Variants in TSPAN14 observed in about 807,000 individuals in gnomAD.
TSPAN14 encodes the protein tetraspanin-14.
A neutral mutation model predicts 36.6 loss-of-function variants in TSPAN14; 16 were observed. That is an observed-to-expected ratio of 0.44 (90% confidence interval 0.30 to 0.66). The LOEUF (loss-of-function observed/expected upper bound fraction) is 0.66. Ranked by LOEUF, TSPAN14 falls within the 30% of genes least tolerant of loss-of-function variation. The pLI is 0.12. For synonymous variants in TSPAN14, 139 were observed against 143.8 expected (o/e 0.97, Z 0.24); for missense variants, 231 against 355.1 (o/e 0.65, Z 2.81).
intron 4 of TSPAN14, among the ~76,000 whole-genome samples, chr10:80,508,940 G>A (rs1471470989): frequency 1.3e-5 from 2 of 152,178 alleles, no homozygotes; most frequent in Non-Finnish European, 2.9e-5. Context: ...AACTGCTGGG[G>A]TAGGACAGCC....
chr10:80,490,401 G>C (rs1589271222), intron 2 of TSPAN14, among the ~76,000 whole-genome samples: 1 of 152,180 alleles, frequency 6.6e-6, no homozygotes, highest in Non-Finnish European at 1.5e-5. Context: ...GGATGCTAGA[G>C]GTTGGGTCGA....
At chr10:80,479,418 G>A (rs1393263234) in intron 1 of TSPAN14, among the ~76,000 whole-genome samples, 5 of 151,992 alleles carry the variant, frequency 3.3e-5, no homozygotes, top group Non-Finnish European at 5.9e-5. Flanking sequence ...GGGTTTTTAT[G>A]GTTTTAGGTC....
intron 1 of TSPAN14, among the ~76,000 whole-genome samples, chr10:80,483,507 T>G (rs1379475949): frequency 6.6e-6 from 1 of 152,184 alleles, no homozygotes; most frequent in Non-Finnish European, 1.5e-5. Flanking sequence ...TTTTTTTGGG[T>G]GGTAAATGTA....
intron 1 of TSPAN14, among the ~76,000 whole-genome samples, chr10:80,455,144 T>C (rs1028617225): frequency 1.3e-5 from 2 of 152,012 alleles, no homozygotes; most frequent in South Asian, 2.1e-4. Flanking sequence ...TGCGGGTGGG[T>C]AGGAAGTGCC....
At chr10:80,499,498 C>A (rs185556644) in intron 2 of TSPAN14, among the ~76,000 whole-genome samples, 1 of 152,302 alleles carries the variant, frequency 6.6e-6, no homozygotes, top group South Asian at 2.1e-4. Context: ...CCAAAGCCCC[C>A]CTGTGGAATT....
chr10:80,509,370 G>A lies in TSPAN14; in HGVS notation c.349G>A (p.Asp117Asn). 6.2e-7 allele frequency: 1 copy of A among 1,614,164 alleles called. No homozygotes were observed. Among genetic ancestry groups the A allele is most frequent in the Non-Finnish European group, 8.5e-7 (1 of 1,180,028 alleles). ...GGCCGTGCTGGCCTTCCTGTTCCAGGACTGGGTGAGGGACCGGTTCCGGGA... is the reference window on the plus strand; with the variant it reads ...GGCCGTGCTGGCCTTCCTGTTCCAGAACTGGGTGAGGGACCGGTTCCGGGA... The change falls in exon 5 of 9, where the codon GAC becomes AAC. Residue 117 changes from aspartate to asparagine, a missense_variant. By Grantham distance (23) the Asp-to-Asn change is conservative. Transcript: ENST00000429989. This position sits in a 1 kb window ranked among gnomAD's most constrained non-coding sequence, Gnocchi z 4.7.
At chr10:80,491,581 A>G (rs565861952) in intron 2 of TSPAN14, among the ~76,000 whole-genome samples, 1 of 152,230 alleles carries the variant, frequency 6.6e-6, no homozygotes, top group East Asian at 1.9e-4. Flanking sequence ...TCATTTCTTC[A>G]GAGGGTTTCA....
intron 5 of TSPAN14, among the ~76,000 whole-genome samples, chr10:80,511,710 TCCTCTCTCTCTCTC>T (rs1840634505): frequency 1.9e-5 from 1 of 52,274 alleles, no homozygotes; most frequent in African/African-American, 7.6e-5. Context: ...AAAGGGCAGG[TCCTCTCTCTCTCTC>T]TCTCTCTCTC....
chr10:80,520,534 A>G, exon 9 of TSPAN14: 1 of 488,368 alleles, frequency 2.0e-6, no homozygotes, highest in Non-Finnish European at 4.2e-6. Context: ...TCACCTCACC[A>G]TGCACATGCT....
chr10:80,460,294 G>A (rs550181927), intron 1 of TSPAN14, among the ~76,000 whole-genome samples: 1 of 152,312 alleles, frequency 6.6e-6, no homozygotes, highest in East Asian at 1.9e-4. Flanking sequence ...GGGTGATCAG[G>A]TTTTACCTGG....
intron 2 of TSPAN14, among the ~76,000 whole-genome samples, chr10:80,504,359 C>G (rs1589290218): frequency 6.6e-6 from 1 of 152,162 alleles, no homozygotes; most frequent in Non-Finnish European, 1.5e-5. Context: ...GGACCTGGGT[C>G]AGCCCTCCCA....
At chr10:80,458,844 G>A (rs1845846907) in intron 1 of TSPAN14, among the ~76,000 whole-genome samples, 1 of 152,108 alleles carries the variant, frequency 6.6e-6, no homozygotes, top group East Asian at 1.9e-4. Context: ...GTCCAGTGCC[G>A]CTCTCAATTA....
At chr10:80,517,605 T>G (rs890330698) in intron 8 of TSPAN14, among the ~76,000 whole-genome samples, 4 of 152,254 alleles carry the variant, frequency 2.6e-5, no homozygotes, top group Non-Finnish European at 5.9e-5. Flanking sequence ...TCCTGCCCCA[T>G]GGCTTGTGAC....
intron 1 of TSPAN14, chr10:80,459,452 G>C (rs745907972): frequency 1.3e-5 from 2 of 153,258 alleles, no homozygotes; most frequent in Admixed American, 6.5e-5. Flanking sequence ...CCTGAGCTGG[G>C]AGCCTGAGAG....
intron 2 of TSPAN14, among the ~76,000 whole-genome samples, chr10:80,499,590 G>A (rs569973791): frequency 7.4e-4 from 113 of 152,310 alleles, no homozygotes; most frequent in South Asian, 1.9e-3. Flanking sequence ...TGTTGCCAGG[G>A]TCAGAGGCAT....
Position 80,509,585 on chromosome 10 carries a change from C to A in TSPAN14, c.450+114C>A. Reference sequence around the variant, plus strand: ...TGTGGGTTGTCTGCCTGCAGCTTGGCAGACAGCAGGGAGGCCGTGGAACAA... The same window carrying A: ...TGTGGGTTGTCTGCCTGCAGCTTGGAAGACAGCAGGGAGGCCGTGGAACAA... On this transcript the variant is annotated intron_variant, in intron 5 of 8. Transcript: ENST00000429989. The surrounding 1 kb of genome is among the most constrained non-coding windows in gnomAD (Gnocchi z 4.7). 2 of 1,164,086 alleles carry A rather than the reference C, an allele frequency of 1.7e-6. No homozygotes were observed. The highest frequency in any genetic ancestry group is 2.4e-6 in the Non-Finnish European group (2 of 829,198). The allele number at this position is 1,164,086 out of a possible 1,614,324, so 72.1% of individuals were successfully genotyped here. A position where few individuals can be genotyped will look rare whatever the true frequency, so the allele number is the denominator to read the frequency against.
intron 1 of TSPAN14, among the ~76,000 whole-genome samples, chr10:80,460,749 C>T (rs1446862226): frequency 1.3e-5 from 2 of 152,170 alleles, no homozygotes; most frequent in African/African-American, 4.8e-5. Flanking sequence ...CCCAGGAAAT[C>T]GCATGGACCT....
At chr10:80,465,247 C>A (rs1846179427) in intron 1 of TSPAN14, among the ~76,000 whole-genome samples, 1 of 152,090 alleles carries the variant, frequency 6.6e-6, no homozygotes, top group Admixed American at 6.5e-5. Flanking sequence ...CTATTAGTCT[C>A]CCAGGCCCCC....
intron 2 of TSPAN14, among the ~76,000 whole-genome samples, chr10:80,492,536 G>A (rs1330677152): frequency 1.3e-5 from 2 of 152,182 alleles, no homozygotes; most frequent in Non-Finnish European, 2.9e-5. Flanking sequence ...ATTTTCACAG[G>A]CCTGGCGCGG....
Sources: gnomAD v4.1 joint callset for allele counts (sites outside exome capture counted in the v4.1 genomes callset) on GRCh38, gnomAD v4.1.1 for gene constraint, Gnocchi (gnomAD v3.1) non-coding constraint, MANE v1.5 for transcripts, NCBI Gene and HGNC (gene_info 2026-07-23, HGNC 2026-07-21) for gene names.